The following E2F3 variants were observed in gnomAD, a reference collection of about 807,000 sequenced individuals.
E2F3 encodes transcription factor E2F3.
A neutral mutation model predicts 44.4 loss-of-function variants in E2F3; 11 were observed. That is an observed-to-expected ratio of 0.25 (90% CI 0.16 to 0.41). The LOEUF (loss-of-function observed/expected upper bound fraction) is 0.41. E2F3 is among the 10% of genes least tolerant of loss of function. The probability of loss-of-function intolerance (pLI) is 1.00; values close to 1 mark genes in which losing one functional copy is unlikely to be tolerated. For missense variants in E2F3, 487 were observed against 583.6 expected (o/e 0.83, Z 1.70); for synonymous variants, 249 against 253.0 (o/e 0.98, Z 0.15).
At chr6:20,417,784 T>C (rs1759895712) in intron 1 of E2F3, among the ~76,000 whole-genome samples, 1 of 152,124 alleles carries the variant, frequency 6.6e-6, no homozygotes, top group Non-Finnish European at 1.5e-5. Context: ...GAAGAAAACC[T>C]GTGTCTTGAA....
intron 1 of E2F3, among the ~76,000 whole-genome samples, chr6:20,424,284 T>C (rs1200203647): frequency 7.0e-6 from 1 of 143,174 alleles, no homozygotes. Context: ...CCTAAACGAA[T>C]AGCCAGTTAA....
intron 1 of E2F3, among the ~76,000 whole-genome samples, chr6:20,467,215 G>T (rs1287951485): frequency 6.6e-6 from 1 of 152,140 alleles, no homozygotes; most frequent in African/African-American, 2.4e-5. Context: ...CCACATTAAA[G>T]GGGCGCCCCT....
chr6:20,435,614 G>T (rs2127594497), intron 1 of E2F3, among the ~76,000 whole-genome samples: 1 of 152,240 alleles, frequency 6.6e-6, no homozygotes, highest in East Asian at 1.9e-4. Context: ...AGCTGGGTGT[G>T]GTGGCGCACG....
At chr6:20,404,000 C>T (rs1759404777) in intron 1 of E2F3, among the ~76,000 whole-genome samples, 1 of 152,134 alleles carries the variant, frequency 6.6e-6, no homozygotes, top group Non-Finnish European at 1.5e-5. Flanking sequence ...AAGTAAATGC[C>T]CCGGCCTCCG....
chr6:20,467,338 C>T (rs1446230187), intron 1 of E2F3, among the ~76,000 whole-genome samples: 2 of 152,186 alleles, frequency 1.3e-5, no homozygotes, highest in African/African-American at 2.4e-5. Context: ...TCAGCTGTTT[C>T]AGCTTGACGT....
At chr6:20,444,231 T>C (rs1295996569) in intron 1 of E2F3, among the ~76,000 whole-genome samples, 2 of 152,194 alleles carry the variant, frequency 1.3e-5, no homozygotes, top group Non-Finnish European at 1.5e-5. Flanking sequence ...CCCAGCTAGA[T>C]TGTAAGGTTT....
intron 1 of E2F3, among the ~76,000 whole-genome samples, chr6:20,458,013 A>G (rs1002393291): frequency 3.9e-5 from 6 of 152,068 alleles, no homozygotes; most frequent in African/African-American, 1.4e-4. Context: ...TTTTATGTTC[A>G]TTTGAAAAAT....
At chr6:20,466,149 G>A (rs1347235993) in intron 1 of E2F3, among the ~76,000 whole-genome samples, 1 of 152,022 alleles carries the variant, frequency 6.6e-6, no homozygotes, top group African/African-American at 2.4e-5. Context: ...GTCTCGCTCT[G>A]TCACCCAGGC....
rs527301986 is a variant in E2F3, at chr6:20,428,228, T to A, written c.393+25603T>A. On this transcript the variant is annotated intron_variant, in intron 1 of 6. Coordinates refer to ENST00000346618, the MANE Select transcript of E2F3 (RefSeq NM_001949.5). ...CAAACTTCCTCTTTTATTTTTTATT[T>A]TTTTTTATTTTTTGAGATGGATTCT... 1.3e-3 allele frequency among the ~76,000 whole-genome samples: 192 copies of A among 151,468 alleles called. 1 individual carries two copies. The highest frequency in any genetic ancestry group is 4.0e-3 in the African/African-American group (164 of 40,840).
Position 20,481,264 on chromosome 6 carries a change from G to A in E2F3, c.564G>A (p.Lys188=). ...RYDTSLGLLT[K]KFIQLLSQSP... is the part of the protein sequence containing the mutation. ...ATACGTCTCTTGGTCTGCTCACCAA[G>A]AAGTTCATTCAGCTCCTGAGCCAGT... Residue 188 remains lysine (K), a synonymous_variant, in exon 3 of 7, where the codon AAG becomes AAA. Coordinates refer to ENST00000346618, the MANE Select transcript of E2F3 (RefSeq NM_001949.5). 1 of 1,614,126 alleles carries A rather than the reference G, an allele frequency of 6.2e-7. No homozygotes were observed. Among genetic ancestry groups the A allele is most frequent in the Non-Finnish European group, 8.5e-7 (1 of 1,180,014 alleles).
At chr6:20,463,915 T>C (rs1448514628) in intron 1 of E2F3, among the ~76,000 whole-genome samples, 1 of 152,186 alleles carries the variant, frequency 6.6e-6, no homozygotes, top group African/African-American at 2.4e-5. Context: ...TAGCTATAAA[T>C]TGGGGTTCCC....
intron 1 of E2F3, among the ~76,000 whole-genome samples, chr6:20,407,644 A>G (rs1759534837): frequency 6.6e-6 from 1 of 152,228 alleles, no homozygotes; most frequent in African/African-American, 2.4e-5. Context: ...CTGCAAAGAT[A>G]TATCATCCAT....
chr6:20,427,617 C>G (rs1760258767), intron 1 of E2F3, among the ~76,000 whole-genome samples: 1 of 152,112 alleles, frequency 6.6e-6, no homozygotes, highest in South Asian at 2.1e-4. Context: ...CCATTGAATT[C>G]TTGGGGACCT....
intron 1 of E2F3, among the ~76,000 whole-genome samples, chr6:20,452,196 G>T (rs1255620022): frequency 1.3e-5 from 2 of 152,036 alleles, no homozygotes; most frequent in African/African-American, 2.4e-5. Context: ...GGCTTTTCTT[G>T]GTTGGTAGGC....
chr6:20,481,510 C>A, intron 3 of E2F3, 85 bp downstream of exon 3: 1 of 1,163,106 alleles, frequency 8.6e-7, no homozygotes, highest in Non-Finnish European at 1.3e-6. Context: ...TTCACATCCA[C>A]GCCCACACGT....
chr6:20,413,464 C>T (rs1207912025), intron 1 of E2F3, among the ~76,000 whole-genome samples: 1 of 152,226 alleles, frequency 6.6e-6, no homozygotes, highest in Non-Finnish European at 1.5e-5. Flanking sequence ...AAGCCTCATA[C>T]CTGCTCTCGT....
chr6:20,445,090 C>G (rs545066553), intron 1 of E2F3: 1 of 985,402 alleles, frequency 1.0e-6, no homozygotes, highest in East Asian at 1.1e-4. Context: ...CTCAGTCGGG[C>G]TGGAGAGTCG....
intron 1 of E2F3, among the ~76,000 whole-genome samples, chr6:20,415,127 C>T (rs1008198464): frequency 2.0e-5 from 3 of 152,322 alleles, no homozygotes; most frequent in South Asian, 2.1e-4. Flanking sequence ...ACTGAACACC[C>T]GCTTTTGTGC....
intron 1 of E2F3, among the ~76,000 whole-genome samples, chr6:20,435,452 T>C (rs1373464428): frequency 6.6e-6 from 1 of 152,160 alleles, no homozygotes; most frequent in Non-Finnish European, 1.5e-5. Flanking sequence ...AAATAAGCAT[T>C]ATTAAAACTC....
Sources: gnomAD v4.1 joint callset for allele counts (sites outside exome capture counted in the v4.1 genomes callset) on GRCh38, gnomAD v4.1.1 for gene constraint, MANE v1.5 for transcripts, NCBI Gene and HGNC (gene_info 2026-07-23, HGNC 2026-07-21) for gene names.